DOCK1: variants seen among roughly 807,000 people sequenced by gnomAD.
DOCK1 encodes dedicator of cytokinesis 1.
In DOCK1, 138 loss-of-function variants were observed where a neutral mutation model predicts 262.7. That is an observed-to-expected ratio of 0.53 (90% CI 0.46 to 0.61). DOCK1 has a LOEUF of 0.61. Among genes scored for constraint, DOCK1 ranks in the 20% least tolerant of loss-of-function variants. The probability of loss-of-function intolerance (pLI) is 0.00; values close to 1 mark genes in which losing one functional copy is unlikely to be tolerated. For missense variants in DOCK1, 1,908 were observed against 2,370.7 expected (o/e 0.80, Z 4.05); for synonymous variants, 866 against 867.4 (o/e 1.00, Z 0.03).
chr10:127,078,763 G>C (rs1219543142), intron 23 of DOCK1, among the ~76,000 whole-genome samples: 1 of 152,158 alleles, frequency 6.6e-6, no homozygotes, highest in African/African-American at 2.4e-5. Flanking sequence ...AAAAAGGAAT[G>C]AATTAAGGGC....
intron 27 of DOCK1, among the ~76,000 whole-genome samples, chr10:127,218,089 A>G (rs892125240): frequency 4.3e-4 from 65 of 152,366 alleles, no homozygotes; most frequent in African/African-American, 1.4e-3. Flanking sequence ...AATTTTTAAA[A>G]AAGTATCTTT....
At chr10:127,413,593 G>C (rs1019084172) in intron 43 of DOCK1, among the ~76,000 whole-genome samples, 1 of 152,190 alleles carries the variant, frequency 6.6e-6, no homozygotes, top group African/African-American at 2.4e-5. Flanking sequence ...GGGCACTGAC[G>C]AGGAGGAAGA....
intron 39 of DOCK1, among the ~76,000 whole-genome samples, chr10:127,403,631 C>T (rs935895648): frequency 2.6e-5 from 4 of 152,182 alleles, no homozygotes; most frequent in African/African-American, 7.2e-5. Flanking sequence ...TGGTAGCACA[C>T]GCCTGTAGTC....
intron 33 of DOCK1, among the ~76,000 whole-genome samples, chr10:127,367,979 T>C (rs2065016340): frequency 1.3e-5 from 2 of 152,160 alleles, no homozygotes; most frequent in South Asian, 4.1e-4. Flanking sequence ...CTGTGGCCAC[T>C]GTCAGCCACC....
chr10:127,160,500 A>T (rs187962633), intron 27 of DOCK1, among the ~76,000 whole-genome samples: 1 of 152,204 alleles, frequency 6.6e-6, no homozygotes, highest in Admixed American at 6.5e-5. Flanking sequence ...CAAGTGACCC[A>T]GTTGTTGATT....
At chr10:127,184,226 G>A (rs900595395) in intron 27 of DOCK1, among the ~76,000 whole-genome samples, 2 of 152,158 alleles carry the variant, frequency 1.3e-5, no homozygotes, top group African/African-American at 2.4e-5. Context: ...TTGGGGTCAC[G>A]AGACCCATCT....
At chr10:127,099,156 C>CTGAA (rs1174758325) in intron 23 of DOCK1, among the ~76,000 whole-genome samples, 1 of 152,102 alleles carries the variant, frequency 6.6e-6, no homozygotes, top group African/African-American at 2.4e-5. Flanking sequence ...ATTTCTGTGG[C>CTGAA]TGAATGCAGA....
intron 38 of DOCK1, among the ~76,000 whole-genome samples, chr10:127,392,401 C>T (rs2066532708): frequency 6.6e-6 from 1 of 152,090 alleles, no homozygotes. Context: ...GGATCTCCCT[C>T]TGAGGGAGCT....
At chr10:127,361,641 C>G (rs1193717684) in intron 32 of DOCK1, among the ~76,000 whole-genome samples, 4 of 152,142 alleles carry the variant, frequency 2.6e-5, no homozygotes, top group Admixed American at 2.0e-4. Context: ...ACTATCTGCT[C>G]TCTCTCATTT....
chr10:127,427,430 A>T (rs2068890956), intron 47 of DOCK1, among the ~76,000 whole-genome samples: 1 of 152,194 alleles, frequency 6.6e-6, no homozygotes, highest in Non-Finnish European at 1.5e-5. Flanking sequence ...ATAAGCAAAC[A>T]GTAATTTAGT....
chr10:127,404,524 G>A (rs775741114), intron 40 of DOCK1, 95 bp downstream of exon 40: 8 of 1,203,270 alleles, frequency 6.6e-6, no homozygotes, highest in African/African-American at 3.0e-5. Context: ...TTGCATCCGC[G>A]TGGGATCGTG....
chr10:127,404,563 G>A (rs1590917065), intron 40 of DOCK1, 134 bp downstream of exon 40: 4 of 769,820 alleles, frequency 5.2e-6, no homozygotes, highest in East Asian at 2.7e-5. Context: ...TAGCTCGGTG[G>A]TTAGCCCGGG....
chr10:127,041,978 T>C (rs1564755741), intron 19 of DOCK1, among the ~76,000 whole-genome samples: 1 of 152,236 alleles, frequency 6.6e-6, no homozygotes, highest in Non-Finnish European at 1.5e-5. Context: ...AGCTGACTTG[T>C]AGTGTGACAT....
chr10:127,215,717 A>C (rs574069932), intron 27 of DOCK1, among the ~76,000 whole-genome samples: 1 of 152,176 alleles, frequency 6.6e-6, no homozygotes, highest in Admixed American at 6.5e-5. Context: ...AATTGACCTA[A>C]AGAAAAATAA....
intron 47 of DOCK1, among the ~76,000 whole-genome samples, chr10:127,429,829 C>A (rs764149812): frequency 2.0e-5 from 3 of 149,512 alleles, no homozygotes; most frequent in East Asian, 2.0e-4. Context: ...GCGCCACGTT[C>A]GGCATTGGCC....
chr10:127,272,932 A>G (rs1003489589), intron 29 of DOCK1, among the ~76,000 whole-genome samples: 1 of 152,166 alleles, frequency 6.6e-6, no homozygotes, highest in East Asian at 1.9e-4. Flanking sequence ...CCATGATTCA[A>G]TTACTTCCCA....
chr10:126,934,314 T>A (rs1244891205), intron 1 of DOCK1, among the ~76,000 whole-genome samples: 4 of 152,220 alleles, frequency 2.6e-5, no homozygotes, highest in Admixed American at 6.5e-5. Flanking sequence ...CCGTTGATGT[T>A]GAGTCAGAAC....
At chr10:127,430,663 A>G (rs938266467) in intron 47 of DOCK1, among the ~76,000 whole-genome samples, 1 of 130,776 alleles carries the variant, frequency 7.6e-6, no homozygotes, top group African/African-American at 2.9e-5. Flanking sequence ...CCCTCTGTGG[A>G]TTTCCAGGCT....
At chr10:127,376,275 A>G (rs1009844092) in intron 35 of DOCK1, among the ~76,000 whole-genome samples, 1 of 152,250 alleles carries the variant, frequency 6.6e-6, no homozygotes, top group African/African-American at 2.4e-5. Context: ...ACACTGTAAC[A>G]GTGTGAAGAA....
Sources: gnomAD v4.1 joint callset for allele counts (sites outside exome capture counted in the v4.1 genomes callset) on GRCh38, gnomAD v4.1.1 for gene constraint, MANE v1.5 for transcripts, NCBI Gene and HGNC (gene_info 2026-07-23, HGNC 2026-07-21) for gene names.